The following IL22RA2 variants were observed in gnomAD, a reference collection of about 807,000 sequenced individuals.
The protein encoded by IL22RA2 is interleukin 22 receptor subunit alpha 2, also known as interleukin-22 receptor subunit alpha-2.
In IL22RA2, 39 loss-of-function variants were observed where a neutral mutation model predicts 30.7. The ratio of observed to expected loss-of-function variants is 1.27; its 90% CI spans 0.98 to 1.66. The LOEUF (loss-of-function observed/expected upper bound fraction) is 1.66. IL22RA2 is among the 40% of genes most tolerant of loss of function. The pLI is 0.00. For synonymous variants in IL22RA2, 103 were observed against 105.0 expected, an observed-to-expected ratio of 0.98 and a Z score of 0.11; for missense variants, 315 against 312.7, an observed-to-expected ratio of 1.01 and a Z score of -0.05.
intron 5 of IL22RA2, among the ~76,000 whole-genome samples, chr6:137,150,065 A>T (rs1174856886): frequency 1.3e-5 from 2 of 152,218 alleles, no homozygotes; most frequent in Non-Finnish European, 2.9e-5. Flanking sequence ...TTAACTGAAG[A>T]AAGTTTACTT....
chr6:137,152,091 T>C (rs1392301313), intron 5 of IL22RA2, among the ~76,000 whole-genome samples: 1 of 152,152 alleles, frequency 6.6e-6, no homozygotes, highest in Non-Finnish European at 1.5e-5. Context: ...GTATGCCTGA[T>C]AGTCCTTGGT....
intron 2 of IL22RA2, 79 bp downstream of exon 2, chr6:137,161,610 C>G: frequency 8.5e-7 from 1 of 1,181,162 alleles, no homozygotes. Flanking sequence ...CAAAAAAGCA[C>G]CAGTGCCATT....
chr6:137,162,374 T>C (rs748054350), intron 1 of IL22RA2, among the ~76,000 whole-genome samples: 18 of 152,206 alleles, frequency 1.2e-4, no homozygotes, highest in Non-Finnish European at 7.3e-5. Context: ...TGCCGTACTC[T>C]TCAGCCTTTC....
At chr6:137,155,236 T>G (rs1239025291) in intron 4 of IL22RA2, 117 bp from the exon 5 acceptor site, 5 of 670,888 alleles carry the variant, frequency 7.5e-6, no homozygotes, top group Non-Finnish European at 1.2e-5. Context: ...CCATGATAGC[T>G]TATGGCTCCT....
chr6:137,172,543 AT>A (rs1356054654), intron 1 of IL22RA2, among the ~76,000 whole-genome samples: 2 of 152,238 alleles, frequency 1.3e-5, no homozygotes, highest in Non-Finnish European at 2.9e-5. Flanking sequence ...TTCAAATGAA[AT>A]GCTGTTTTGT....
chr6:137,149,418 C>T (rs1456500503), intron 5 of IL22RA2, among the ~76,000 whole-genome samples: 4 of 152,146 alleles, frequency 2.6e-5, no homozygotes, highest in Non-Finnish European at 5.9e-5. Flanking sequence ...CATCAAACCC[C>T]ATCAAAAAGA....
Position 137,145,740 on chromosome 6 carries a change from C to T in IL22RA2, c.676G>A (p.Val226Ile), listed in dbSNP as rs768824042. 1.2e-5 allele frequency: 19 copies of T among 1,613,876 alleles called. No individual in the cohort carries two copies. In the Admixed American group the frequency reaches 2.5e-4, roughly 21 times the overall value. The change falls in exon 7 of 7, where the codon GTT becomes ATT. Residue 226 changes from valine to isoleucine, a missense_variant. Transcript: ENST00000296980. ...TGTGGTGTTAGAGCTTCAATTTCAACCGCTCTGTGAGCCCCTTCATAAACC... is the reference window on the plus strand; with the variant it reads ...TGTGGTGTTAGAGCTTCAATTTCAATCGCTCTGTGAGCCCCTTCATAAACC... ...QKVYEGAHRA[V>I]EIEALTPHSS...
intron 2 of IL22RA2, 106 bp downstream of exon 2, chr6:137,161,583 G>T (rs1778521157): frequency 1.2e-6 from 1 of 853,588 alleles, no homozygotes; most frequent in South Asian, 1.5e-5. Flanking sequence ...ATCAAAAGCT[G>T]CAGCCTTTAT....
intron 5 of IL22RA2, 98 bp from the exon 6 acceptor site, chr6:137,147,989 C>T: frequency 8.7e-7 from 1 of 1,152,824 alleles, no homozygotes; most frequent in South Asian, 1.3e-5. Flanking sequence ...GGGAGGATCA[C>T]CTGAGCCCAG....
At chr6:137,165,836 A>G (rs1254334411) in intron 1 of IL22RA2, among the ~76,000 whole-genome samples, 1 of 152,216 alleles carries the variant, frequency 6.6e-6, no homozygotes, top group Non-Finnish European at 1.5e-5. Flanking sequence ...AATGGTAATA[A>G]TTTGGGTGCC....
At chr6:137,153,486 A>T (rs1368192866) in intron 5 of IL22RA2, among the ~76,000 whole-genome samples, 4 of 152,144 alleles carry the variant, frequency 2.6e-5, no homozygotes, top group Non-Finnish European at 4.4e-5. Flanking sequence ...TGGGAGGGGC[A>T]ACTCTGACTG....
chr6:137,147,750 A>G lies in IL22RA2; in HGVS notation c.614T>C (p.Val205Ala). 6.4e-7 allele frequency: 1 copy of G among 1,570,110 alleles called. No individual in the cohort carries two copies. Among genetic ancestry groups the G allele is most frequent in the Non-Finnish European group, 8.7e-7 (1 of 1,150,732 alleles). Residue 205 changes from valine to alanine, a missense_variant, in exon 6 of 7, where the codon GTT becomes GCT. Transcript: ENST00000296980. ...IEDYYELLYRVFIINNSLEKE... is the reference protein window; with the variant it reads ...IEDYYELLYRAFIINNSLEKE... ...TTCTAGTGAATTGTTAATTATAAAAACTCGGTATAGTAGTTCATAGTAATC... is the reference window on the plus strand; with the variant it reads ...TTCTAGTGAATTGTTAATTATAAAAGCTCGGTATAGTAGTTCATAGTAATC...
At chr6:137,162,065 C>T (rs1242645754) in intron 1 of IL22RA2, among the ~76,000 whole-genome samples, 1 of 152,112 alleles carries the variant, frequency 6.6e-6, no homozygotes, top group Non-Finnish European at 1.5e-5. Context: ...ATCTGAAGGG[C>T]AGGGCAGTGC....
intron 5 of IL22RA2, among the ~76,000 whole-genome samples, chr6:137,150,429 G>C (rs1052116186): frequency 6.7e-6 from 1 of 148,152 alleles, no homozygotes; most frequent in African/African-American, 2.5e-5. Context: ...GAAATAAAAT[G>C]GCTTTTTAAA....
chr6:137,157,575 A>G (rs1265012539), intron 3 of IL22RA2, among the ~76,000 whole-genome samples: 1 of 152,156 alleles, frequency 6.6e-6, no homozygotes, highest in African/African-American at 2.4e-5. Flanking sequence ...TACTTTGGCC[A>G]TAGCTGCATT....
chr6:137,148,816 C>T (rs1366844522), intron 5 of IL22RA2, among the ~76,000 whole-genome samples: 1 of 152,272 alleles, frequency 6.6e-6, no homozygotes, highest in East Asian at 1.9e-4. Context: ...TGTAGTGAGG[C>T]ACATATTTCA....
chr6:137,160,756 A>C (rs1404768953), intron 2 of IL22RA2, among the ~76,000 whole-genome samples: 1 of 152,226 alleles, frequency 6.6e-6, no homozygotes, highest in East Asian at 1.9e-4. Context: ...CTGAGGCTTT[A>C]GAAAGTTGCA....
At chr6:137,163,118 A>G (rs892920803) in intron 1 of IL22RA2, among the ~76,000 whole-genome samples, 1 of 152,232 alleles carries the variant, frequency 6.6e-6, no homozygotes, top group Non-Finnish European at 1.5e-5. Context: ...CAGGGTCACA[A>G]GACTGATAAG....
At chr6:137,157,555 T>C (rs1183411165) in intron 3 of IL22RA2, among the ~76,000 whole-genome samples, 4 of 152,140 alleles carry the variant, frequency 2.6e-5, no homozygotes, top group Non-Finnish European at 5.9e-5. Flanking sequence ...ATTTATGGGA[T>C]AAAAATTGCT....
Sources: allele counts gnomAD v4.1 joint callset (sites outside exome capture counted in the v4.1 genomes callset), GRCh38; gene constraint gnomAD v4.1.1; transcripts MANE v1.5; gene names NCBI Gene and HGNC (gene_info 2026-07-23, HGNC 2026-07-21).